The following ROBO2 variants were observed in gnomAD, a reference collection of about 807,000 sequenced individuals.
The protein encoded by ROBO2 is roundabout guidance receptor 2, also known as roundabout homolog 2.
ROBO2 carries 53 observed loss-of-function variants against 160.8 expected under a neutral mutation model. That is an observed-to-expected ratio of 0.33 (90% CI 0.26 to 0.41). The LOEUF (loss-of-function observed/expected upper bound fraction) is 0.41. Ranked by LOEUF, ROBO2 falls within the 10% of genes least tolerant of loss-of-function variation. The pLI, the probability that ROBO2 is intolerant of heterozygous loss-of-function variation, is 1.00. For synonymous variants in ROBO2, 664 were observed against 611.7 expected (o/e 1.09, Z -1.26); for missense variants, 1,577 against 1,722.4 (o/e 0.92, Z 1.49).
chr3:76,009,721 A>G (rs2066140139), intron 2 of ROBO2, among the ~76,000 whole-genome samples: 1 of 152,246 alleles, frequency 6.6e-6, no homozygotes. Flanking sequence ...AATGTAAGTG[A>G]ATAAGATACA....
At chr3:76,356,287 A>G (rs1576628819) in intron 2 of ROBO2, among the ~76,000 whole-genome samples, 1 of 151,644 alleles carries the variant, frequency 6.6e-6, no homozygotes, top group African/African-American at 2.4e-5. Context: ...AGCAAAAAAC[A>G]GATGGAATCA....
exon 17 of ROBO2, chr3:77,588,817 T>C (rs776430966): frequency 6.2e-7 from 1 of 1,613,604 alleles, no homozygotes; most frequent in Non-Finnish European, 8.5e-7. Flanking sequence ...ACTGATGTGG[T>C]GAAGCAACCA....
intron 2 of ROBO2, among the ~76,000 whole-genome samples, chr3:76,255,666 T>C (rs1157477423): frequency 1.3e-5 from 2 of 152,036 alleles, no homozygotes; most frequent in Non-Finnish European, 2.9e-5. Context: ...TAATGAGAAA[T>C]GGTTTATAGA....
chr3:76,228,087 T>G (rs545712023), intron 2 of ROBO2, among the ~76,000 whole-genome samples: 134 of 152,292 alleles, frequency 8.8e-4, no homozygotes, highest in Non-Finnish European at 1.6e-3. Flanking sequence ...TACCCTAATT[T>G]GAAATAAAAA....
intron 2 of ROBO2, among the ~76,000 whole-genome samples, chr3:76,326,798 C>T (rs6790943): frequency 0.95 from 117,960 of 123,638 alleles, 56,527 homozygotes; most frequent in Non-Finnish European, 1. Flanking sequence ...GTCCCCAGAG[C>T]GTGATGTTCC....
intron 2 of ROBO2, among the ~76,000 whole-genome samples, chr3:76,178,104 C>G (rs1221795634): frequency 3.3e-5 from 5 of 152,138 alleles, no homozygotes; most frequent in Non-Finnish European, 1.5e-5. Context: ...GAAGCATGAT[C>G]TTTTAAAATA....
intron 2 of ROBO2, among the ~76,000 whole-genome samples, chr3:75,960,134 T>C (rs1948858275): frequency 6.6e-6 from 1 of 151,684 alleles, no homozygotes; most frequent in African/African-American, 2.4e-5. Context: ...TTGGGGTCAC[T>C]GACTGGTTTG....
In ROBO2 at chr3:76,101,546, T is replaced by G. The variant is rs1481439892; in HGVS notation, c.109+163944T>G. Among the ~76,000 whole-genome samples, 3 of 152,112 alleles carry G rather than the reference T, an allele frequency of 2.0e-5. No homozygotes were observed. The East Asian group carries it at 5.8e-4, about 29-fold the overall frequency. ...GAGGACAGGTGAGATTATGTAGTTA[T>G]TTATTTATTTATTTTTTATACTTGA... On this transcript the variant is annotated intron_variant, in intron 2 of 26. Coordinates refer to the ROBO2 transcript ENST00000487694.
At chr3:77,197,610 G>T (rs971719462) in intron 2 of ROBO2, among the ~76,000 whole-genome samples, 1 of 152,198 alleles carries the variant, frequency 6.6e-6, no homozygotes, top group African/African-American at 2.4e-5. Context: ...ATCAGAAAGG[G>T]GGTGAGACTT....
intron 2 of ROBO2, among the ~76,000 whole-genome samples, chr3:76,618,652 T>G (rs572625922): frequency 4.0e-5 from 6 of 151,660 alleles, no homozygotes; most frequent in Non-Finnish European, 7.4e-5. Context: ...CATATGTGTA[T>G]TCTTTTAAAA....
In ROBO2 at chr3:77,053,961, A is replaced by C. The variant is rs183767986; in HGVS notation, c.61+13115A>C. ...CGATTATAGTGCCCATTTAGGGAGT[A>C]TTGCATCACTGACTAGGGAGATTCT... On this transcript the variant is annotated intron_variant, in intron 1 of 25. Transcript: ENST00000461745. Among the ~76,000 whole-genome samples, 71 of 152,328 alleles carry C rather than the reference A, an allele frequency of 4.7e-4. No homozygotes were observed. The East Asian group carries it at 0.01, about 22-fold the overall frequency.
At chr3:76,371,453 C>T (rs895000226) in intron 2 of ROBO2, among the ~76,000 whole-genome samples, 5 of 148,326 alleles carry the variant, frequency 3.4e-5, no homozygotes, top group African/African-American at 1.2e-4. Context: ...CAAATGTTTA[C>T]TATAGTATTT....
chr3:76,041,106 A>G (rs1034202904), intron 2 of ROBO2, among the ~76,000 whole-genome samples: 1 of 152,078 alleles, frequency 6.6e-6, no homozygotes, highest in Admixed American at 6.5e-5. Flanking sequence ...TAGGATTTCA[A>G]ATTTTTAAAA....
At chr3:77,486,913 T>C (rs2324826) in intron 4 of ROBO2, among the ~76,000 whole-genome samples, 3,537 of 152,230 alleles carry the variant, frequency 0.023, 150 homozygotes, top group African/African-American at 0.081. Flanking sequence ...GCACATGATC[T>C]ATTGTTGTTA....
chr3:76,375,454 C>T (rs936695041), intron 2 of ROBO2, among the ~76,000 whole-genome samples: 5 of 151,892 alleles, frequency 3.3e-5, no homozygotes, highest in African/African-American at 1.2e-4. Flanking sequence ...TTATTGAGCA[C>T]CTTCTATATA....
intron 2 of ROBO2, among the ~76,000 whole-genome samples, chr3:77,143,174 CTTTTTTTT>C (rs10546673): frequency 5.2e-4 from 31 of 59,712 alleles, no homozygotes; most frequent in South Asian, 1.9e-3. Context: ...TAAACAGCAG[CTTTTTTTT>C]TTTTTTTTTT....
intron 2 of ROBO2, among the ~76,000 whole-genome samples, chr3:76,567,295 C>G (rs1421969076): frequency 6.6e-6 from 1 of 151,970 alleles, no homozygotes; most frequent in Non-Finnish European, 1.5e-5. Flanking sequence ...TACGAGCATT[C>G]TATTTTGTGT....
At chr3:76,826,228 C>T (rs1480077208) in intron 2 of ROBO2, among the ~76,000 whole-genome samples, 1 of 152,062 alleles carries the variant, frequency 6.6e-6, no homozygotes, top group Admixed American at 6.6e-5. Flanking sequence ...AATTTGAAAT[C>T]TTCAAGCATG....
At chr3:76,493,365 A>ATATATATATATATATATATATATAT (rs61651925) in intron 2 of ROBO2, among the ~76,000 whole-genome samples, 3 of 132,006 alleles carry the variant, frequency 2.3e-5, no homozygotes, top group Non-Finnish European at 3.2e-5. Flanking sequence ...ATATATATAT[A>ATATATATATATATATATATATATAT]ATTGTATATA....
Sources: gnomAD v4.1 joint callset for allele counts (sites outside exome capture counted in the v4.1 genomes callset) on GRCh38, gnomAD v4.1.1 for gene constraint, MANE v1.5 for transcripts, NCBI Gene and HGNC (gene_info 2026-07-23, HGNC 2026-07-21) for gene names.